PCDHGA4: variants seen among roughly 807,000 people sequenced by gnomAD.
PCDHGA4 encodes protocadherin gamma-A4.
PCDHGA4 carries 38 observed loss-of-function variants against 54.6 expected under a neutral mutation model. The ratio of observed to expected loss-of-function variants is 0.70; its 90% CI spans 0.54 to 0.91. PCDHGA4 has a LOEUF of 0.91. PCDHGA4 is among the 40% of genes least tolerant of loss of function. The pLI is 0.00. For synonymous variants in PCDHGA4, 511 were observed against 512.9 expected (o/e 1.00, Z 0.05); for missense variants, 1,298 against 1,220.9 (o/e 1.06, Z -0.94).
rs2099756055 is a variant in PCDHGA4, at chr5:141,494,679, C to T, written c.2515-128C>T. The T allele has an allele frequency of 3.9e-6, 6 of 1,556,494 alleles. No homozygotes were observed. In the South Asian group the frequency reaches 4.7e-5, roughly 12 times the overall value. ...GTCTTTGGAGATGAGTCCACCCCTG[C>T]CCCCTCTTAGTCCGTTTTCTTCTCT... is the stretch of plus-strand genomic sequence containing the variant. On this transcript the variant is annotated intron_variant, in intron 1 of 3. Coordinates refer to ENST00000571252, the MANE Select transcript of PCDHGA4 (RefSeq NM_018917.4).
At chr5:141,428,187 C>G in intron 1 of PCDHGA4, 3 of 1,439,502 alleles carry the variant, frequency 2.1e-6, no homozygotes, top group South Asian at 1.2e-5. Flanking sequence ...GGACAGCCGC[C>G]GCTCTCTGCG....
intron 1 of PCDHGA4, among the ~76,000 whole-genome samples, chr5:141,358,006 A>G (rs186822716): frequency 6.6e-5 from 10 of 152,300 alleles, no homozygotes; most frequent in African/African-American, 2.2e-4. Flanking sequence ...TCTGGGCAAC[A>G]TGGTGAAACC....
At chr5:141,372,976 A>G (rs1223476542) in intron 1 of PCDHGA4, 1 of 663,898 alleles carries the variant, frequency 1.5e-6, no homozygotes, top group Non-Finnish European at 2.5e-6. Context: ...CCTGTAGAAT[A>G]TCTGTGTTGC....
intron 2 of PCDHGA4, among the ~76,000 whole-genome samples, chr5:141,501,890 A>G (rs1046816316): frequency 6.6e-6 from 1 of 151,980 alleles, no homozygotes; most frequent in Non-Finnish European, 1.5e-5. Flanking sequence ...CCTGATCATC[A>G]TGGTTCCAAC....
At chr5:141,458,386 G>A (rs1037969327) in intron 1 of PCDHGA4, among the ~76,000 whole-genome samples, 3 of 152,188 alleles carry the variant, frequency 2.0e-5, no homozygotes, top group African/African-American at 4.8e-5. Context: ...GAAGGAAGAC[G>A]CTCCCCCTTG....
chr5:141,503,547 C>T (rs545918096), intron 2 of PCDHGA4, among the ~76,000 whole-genome samples: 22 of 147,734 alleles, frequency 1.5e-4, no homozygotes, highest in African/African-American at 4.8e-4. Flanking sequence ...TGCAGTGAGC[C>T]GAGATCGCGC....
chr5:141,384,106 A>G, intron 1 of PCDHGA4: 1 of 1,602,128 alleles, frequency 6.2e-7, no homozygotes, highest in Non-Finnish European at 8.5e-7. Flanking sequence ...TAATTATTAT[A>G]GATTGGTCAC....
intron 1 of PCDHGA4, among the ~76,000 whole-genome samples, chr5:141,462,819 A>G (rs1182498111): frequency 6.6e-6 from 1 of 152,210 alleles, no homozygotes; most frequent in East Asian, 1.9e-4. Context: ...TTTATTGGAC[A>G]GCAGACATTG....
chr5:141,359,993 C>T (rs1761386380), intron 1 of PCDHGA4: 1 of 1,050,006 alleles, frequency 9.5e-7, no homozygotes, highest in Admixed American at 3.2e-5. Flanking sequence ...AGGGGAACTT[C>T]CTGCACAAAC....
intron 1 of PCDHGA4, chr5:141,374,135 A>C: frequency 6.2e-7 from 1 of 1,605,796 alleles, no homozygotes; most frequent in Non-Finnish European, 8.5e-7. Flanking sequence ...CCTGCTCCTC[A>C]CGCTCCTGGG....
Position 141,357,517 on chromosome 5 carries a change from C to G in PCDHGA4, c.2410C>G (p.Pro804Ala). Residue 804 changes from proline to alanine, a missense_variant, in exon 1 of 4, where the codon CCC becomes GCC. By Grantham distance (27) the Pro-to-Ala change is conservative. Transcript: ENST00000571252. ...GAAGAGTCACCTGATCTTCTCCCAACCCAGCTATGCAGACACGCTCATCAG... is the reference window on the plus strand; with the variant it reads ...GAAGAGTCACCTGATCTTCTCCCAAGCCAGCTATGCAGACACGCTCATCAG... ...SRKSHLIFSQ[P>A]SYADTLISRE... 4 of 1,614,246 alleles carry G rather than the reference C, an allele frequency of 2.5e-6. No individual in the cohort carries two copies. The highest frequency in any genetic ancestry group is 3.4e-6 in the Non-Finnish European group (4 of 1,180,056).
chr5:141,453,323 G>A (rs1313870724), intron 1 of PCDHGA4, among the ~76,000 whole-genome samples: 1 of 151,482 alleles, frequency 6.6e-6, no homozygotes, highest in Non-Finnish European at 1.5e-5. Context: ...TTTAGAGATG[G>A]GGTCTCACTA....
chr5:141,357,279 C>T lies in PCDHGA4; in HGVS notation c.2172C>T (p.Leu724=), dbSNP rs139727169. 6.8e-6 allele frequency: 11 copies of T among 1,613,878 alleles called. No individual in the cohort carries two copies. The East Asian group carries it at 2.2e-4, about 33-fold the overall frequency. ...ACGACTCGGGCCTCACACTCTATCT[C>T]GTGGTGGCAGTGGCCGCTGTCTCCT... ...DPDDSGLTLY[L]VVAVAAVSCV... Residue 724 remains leucine, a synonymous_variant, in exon 1 of 4, where the codon CTC becomes CTT. Coordinates refer to ENST00000571252, the MANE Select transcript of PCDHGA4 (RefSeq NM_018917.4).
intron 1 of PCDHGA4, chr5:141,427,070 G>A (rs929936578): frequency 3.1e-5 from 14 of 457,822 alleles, no homozygotes; most frequent in Non-Finnish European, 6.2e-5. Context: ...TACTAAAGGT[G>A]ACAGCCACTG....
rs201458212 is a variant in PCDHGA4 at position 141,487,439 on chromosome 5, T to A, written c.2515-7368T>A. On this transcript the variant is annotated intron_variant, in intron 1 of 3. Coordinates refer to ENST00000571252, the MANE Select transcript of PCDHGA4 (RefSeq NM_018917.4). The surrounding 1 kb of genome is among the most constrained non-coding windows in gnomAD (Gnocchi z 5.0). ...TGGGATCCTCCGAATCCAGCTAGGG[T>A]CAGATGACCCTATCAAGTTTGTTGA... The A allele has an allele frequency of 1.5e-4, 242 of 1,613,808 alleles. No individual in the cohort carries two copies. Among genetic ancestry groups the A allele is most frequent in the Non-Finnish European group, 1.9e-4 (230 of 1,179,978 alleles).
chr5:141,358,906 A>C (rs1244538501), intron 1 of PCDHGA4, among the ~76,000 whole-genome samples: 2 of 152,180 alleles, frequency 1.3e-5, no homozygotes, highest in East Asian at 3.8e-4. Flanking sequence ...ATGAGGGAAA[A>C]TATTTTGTGT....
chr5:141,426,753 A>G (rs1360041118), intron 1 of PCDHGA4: 3 of 456,298 alleles, frequency 6.6e-6, no homozygotes, highest in East Asian at 7.0e-5. Flanking sequence ...GGAATCTGCT[A>G]TAGATGCAGA....
intron 1 of PCDHGA4, chr5:141,376,904 G>A (rs1773512555): frequency 5.3e-6 from 1 of 188,504 alleles, no homozygotes; most frequent in African/African-American, 2.4e-5. Context: ...AGCCAGGATG[G>A]TCTCGATCTC....
At chr5:141,447,696 G>A (rs1273958794) in intron 1 of PCDHGA4, among the ~76,000 whole-genome samples, 1 of 152,096 alleles carries the variant, frequency 6.6e-6, no homozygotes, top group Non-Finnish European at 1.5e-5. Context: ...TAGAGGGATG[G>A]GTTATAAGGA....
Sources: allele counts gnomAD v4.1 joint callset (sites outside exome capture counted in the v4.1 genomes callset), GRCh38; gene constraint gnomAD v4.1.1; non-coding constraint Gnocchi (gnomAD v3.1); transcripts MANE v1.5; gene names NCBI Gene and HGNC (gene_info 2026-07-23, HGNC 2026-07-21).